STON1: variants seen among roughly 807,000 people sequenced by gnomAD.
STON1 encodes the protein stonin 1.
STON1 carries 79 observed loss-of-function variants against 60.9 expected under a neutral mutation model. The ratio of observed to expected loss-of-function variants is 1.30; its 90% confidence interval spans 1.08 to 1.56. The LOEUF is 1.56. Among genes scored for constraint, STON1 ranks in the 40% most tolerant of loss-of-function variants. The pLI, the probability that STON1 is intolerant of heterozygous loss-of-function variation, is 0.00. For synonymous variants in STON1, 363 were observed against 306.9 expected (o/e 1.18, Z -1.91); for missense variants, 1,166 against 858.9 (o/e 1.36, Z -4.47).
intron 2 of STON1, among the ~76,000 whole-genome samples, chr2:48,583,992 T>G (rs1218980075): frequency 6.6e-6 from 1 of 151,998 alleles, no homozygotes; most frequent in Non-Finnish European, 1.5e-5. Context: ...TTTGTGATCC[T>G]CCCACCTCGG....
At chr2:48,561,367 C>A (rs1482896335) in intron 1 of STON1, among the ~76,000 whole-genome samples, 1 of 152,216 alleles carries the variant, frequency 6.6e-6, no homozygotes, top group African/African-American at 2.4e-5. Context: ...TTCTCCCTTC[C>A]GATTTCCATC....
At chr2:48,568,426 G>A (rs1177176828) in intron 1 of STON1, among the ~76,000 whole-genome samples, 3 of 152,076 alleles carry the variant, frequency 2.0e-5, no homozygotes, top group African/African-American at 4.8e-5. Flanking sequence ...TTATTTGAGT[G>A]GTTTATGAAG....
intron 1 of STON1, among the ~76,000 whole-genome samples, chr2:48,568,065 C>A (rs1409246870): frequency 6.8e-6 from 1 of 145,986 alleles, no homozygotes; most frequent in African/African-American, 2.5e-5. Context: ...ATAAAGGACT[C>A]AATTCAGCCC....
At chr2:48,547,341 C>T (rs1404140620) in intron 1 of STON1, among the ~76,000 whole-genome samples, 2 of 152,160 alleles carry the variant, frequency 1.3e-5, no homozygotes, top group African/African-American at 4.8e-5. Flanking sequence ...TTAGGCCTCA[C>T]CATGGAGTGT....
At chr2:48,584,826 T>C (rs966059847) in intron 2 of STON1, among the ~76,000 whole-genome samples, 3 of 152,176 alleles carry the variant, frequency 2.0e-5, no homozygotes, top group African/African-American at 7.2e-5. Flanking sequence ...GCCCGTACCC[T>C]GGAGGCCATG....
intron 1 of STON1, among the ~76,000 whole-genome samples, chr2:48,575,108 T>G (rs1156523183): frequency 6.6e-6 from 1 of 152,252 alleles, no homozygotes; most frequent in East Asian, 1.9e-4. Flanking sequence ...AGAGGAGTCA[T>G]GTAGGATTTG....
chr2:48,573,514 A>G (rs890363792), intron 1 of STON1, among the ~76,000 whole-genome samples: 2 of 152,188 alleles, frequency 1.3e-5, no homozygotes, highest in Non-Finnish European at 2.9e-5. Context: ...GCACACAGCT[A>G]GTGAGTGACA....
At chr2:48,542,219 T>C (rs774536285) in intron 1 of STON1, among the ~76,000 whole-genome samples, 1 of 152,224 alleles carries the variant, frequency 6.6e-6, no homozygotes, top group Non-Finnish European at 1.5e-5. Context: ...CTATTTATAA[T>C]GCTGAAAGCA....
At chr2:48,531,746 G>T (rs1042877501) in intron 1 of STON1, 1 of 152,136 alleles carries the variant, frequency 6.6e-6, no homozygotes, top group Non-Finnish European at 1.5e-5. Context: ...GGGGGATGTT[G>T]AATGTTTTAC....
At chr2:48,576,194 T>TTTC (rs1427938075) in intron 1 of STON1, among the ~76,000 whole-genome samples, 1 of 122,784 alleles carries the variant, frequency 8.1e-6, no homozygotes, top group Non-Finnish European at 1.7e-5. Flanking sequence ...TCTTTTTTTT[T>TTTC]TTTTTTTTTT....
Position 48,581,497 on chromosome 2 carries a change from G to T in STON1, c.864G>T (p.Met288Ile), listed in dbSNP as rs1215406174. ...TGAGAATTCCTGAGAAGAAGAATAT[G>T]ATGTCTTCCCGGCAATGGGGACCAA... ...FMLRIPEKKN[M>I]MSSRQWGPIF... The change falls in exon 2 of 4, where the codon ATG (methionine) becomes ATT (isoleucine). Residue 288 changes from methionine to isoleucine, a missense_variant. Coordinates refer to ENST00000404752, the MANE Select transcript of STON1 (RefSeq NM_006873.4). 1 of 1,614,102 alleles carries T rather than the reference G, an allele frequency of 6.2e-7. No individual in the cohort carries two copies. The highest frequency in any genetic ancestry group is 8.5e-7 in the Non-Finnish European group (1 of 1,180,056).
chr2:48,554,250 C>A (rs1370954814), intron 1 of STON1, among the ~76,000 whole-genome samples: 2 of 152,108 alleles, frequency 1.3e-5, no homozygotes, highest in Non-Finnish European at 2.9e-5. Flanking sequence ...GAGACAGAGT[C>A]TCTCTTTGTC....
At chr2:48,557,958 C>T (rs1222725230) in intron 1 of STON1, among the ~76,000 whole-genome samples, 1 of 152,188 alleles carries the variant, frequency 6.6e-6, no homozygotes, top group Admixed American at 6.5e-5. Context: ...TGCGGTGGCT[C>T]ATGCCTGTAA....
intron 1 of STON1, among the ~76,000 whole-genome samples, chr2:48,560,698 A>G (rs1244502157): frequency 6.6e-6 from 1 of 152,172 alleles, no homozygotes; most frequent in Non-Finnish European, 1.5e-5. Flanking sequence ...CCAGGAAACA[A>G]CACAGCTCCA....
At chr2:48,537,808 C>T (rs1671488463) in intron 1 of STON1, among the ~76,000 whole-genome samples, 1 of 149,764 alleles carries the variant, frequency 6.7e-6, no homozygotes, top group Non-Finnish European at 1.5e-5. Context: ...TGAGATTGCA[C>T]CACTGCCCTC....
intron 1 of STON1, among the ~76,000 whole-genome samples, chr2:48,558,257 T>C (rs1672466380): frequency 6.6e-6 from 1 of 152,218 alleles, no homozygotes; most frequent in Admixed American, 6.5e-5. Context: ...TCTTTCTCTA[T>C]TTTGAGTATT....
intron 1 of STON1, among the ~76,000 whole-genome samples, chr2:48,564,453 T>TTCC (rs1558604240): frequency 1.9e-5 from 1 of 53,456 alleles, no homozygotes; most frequent in Non-Finnish European, 4.0e-5. Flanking sequence ...CTTCTTCTTC[T>TTCC]TCTTCTTCTT....
chr2:48,576,185 CTTTTTTTTTTTTTTTTT>C (rs34849002), intron 1 of STON1, among the ~76,000 whole-genome samples: 1 of 63,072 alleles, frequency 1.6e-5, no homozygotes, highest in East Asian at 5.5e-4. Flanking sequence ...GTTTTCCTTT[CTTTTTTTTTTTTTTTTT>C]TTTTTTTTGA....
intron 1 of STON1, among the ~76,000 whole-genome samples, chr2:48,549,263 C>A (rs530681613): frequency 6.6e-6 from 1 of 152,324 alleles, no homozygotes; most frequent in Admixed American, 6.5e-5. Flanking sequence ...AAGAAACTTT[C>A]AAGTCCATTG....
Sources: gnomAD v4.1 joint callset for allele counts (sites outside exome capture counted in the v4.1 genomes callset) on GRCh38, gnomAD v4.1.1 for gene constraint, MANE v1.5 for transcripts, NCBI Gene and HGNC (gene_info 2026-07-23, HGNC 2026-07-21) for gene names.